LIN9: variants seen among roughly 807,000 people sequenced by gnomAD.
The protein encoded by LIN9 is protein lin-9 homolog.
A neutral mutation model predicts 78.0 loss-of-function variants in LIN9; 18 were observed. The observed-to-expected ratio is 0.23, with a 90% CI of 0.16 to 0.34. The LOEUF is 0.34. LIN9 is among the 10% of genes least tolerant of loss of function. LIN9 has a pLI of 1.00. For missense variants in LIN9, 451 were observed against 644.1 expected, an observed-to-expected ratio of 0.70 and a Z score of 3.25; for synonymous variants, 192 against 215.2, an observed-to-expected ratio of 0.89 and a Z score of 0.94.
intron 6 of LIN9, among the ~76,000 whole-genome samples, chr1:226,285,006 A>T (rs1661306213): frequency 6.6e-6 from 1 of 152,216 alleles, no homozygotes; most frequent in African/African-American, 2.4e-5. Flanking sequence ...GGACTTCCTC[A>T]AAGAAAGAAA....
rs1661476456 is a variant in LIN9, at chr1:226,287,921, T to A, written c.265-124A>T. 6.2e-6 allele frequency: 4 copies of A among 645,964 alleles called. No homozygotes were observed. The South Asian group carries it at 7.8e-5, about 13-fold the overall frequency. 40.0% of individuals were successfully genotyped at this position (645,964 alleles called of 1,614,324 possible). On this transcript the variant is annotated intron_variant, in intron 4 of 14. Transcript: ENST00000681046. ...TACTTAAAAAGGTTCACTGATTCAC[T>A]GATATTCAACATGGAATTTTGTTGC...
In LIN9 at chr1:226,265,588, G is replaced by C. The variant is rs762744178; in HGVS notation, c.983C>G (p.Ser328Cys). ...LGQSPWRSKI[S>C]GSDTETLGGF... Reference sequence around the variant, plus strand: ...ACCTAATGTTTCAGTGTCAGAGCCAGAAATTTTACTTCTCCACGGCGACTG... The same window carrying C: ...ACCTAATGTTTCAGTGTCAGAGCCACAAATTTTACTTCTCCACGGCGACTG... The change falls in exon 10 of 15, where the codon TCT (serine) becomes TGT (cysteine). Residue 328 changes from serine to cysteine, a missense_variant. Transcript: ENST00000681046. The surrounding 1 kb of genome is among the most constrained non-coding windows in gnomAD (Gnocchi z 4.1). 4 of 1,612,270 alleles carry C rather than the reference G, an allele frequency of 2.5e-6. No homozygotes were observed. The highest frequency in any genetic ancestry group is 3.4e-6 in the Non-Finnish European group (4 of 1,178,484).
At chr1:226,267,787 T>G (rs1660025334) in intron 8 of LIN9, among the ~76,000 whole-genome samples, 170 bp downstream of exon 8, 1 of 152,134 alleles carries the variant, frequency 6.6e-6, no homozygotes, top group Non-Finnish European at 1.5e-5. Context: ...ATGGAAGACT[T>G]AAGTATAGAT....
intron 6 of LIN9, among the ~76,000 whole-genome samples, chr1:226,278,417 G>A (rs1328405503): frequency 1.3e-5 from 2 of 150,970 alleles, no homozygotes; most frequent in African/African-American, 2.4e-5. Context: ...CGACAAGAGT[G>A]AGACTCCATC....
chr1:226,271,390 CTAAAA>C (rs1660264978), intron 7 of LIN9, among the ~76,000 whole-genome samples: 1 of 152,088 alleles, frequency 6.6e-6, no homozygotes, highest in Non-Finnish European at 1.5e-5. Context: ...TCTTTGTTTA[CTAAAA>C]TATTTTCTAA....
intron 11 of LIN9, 60 bp downstream of exon 11, chr1:226,250,779 A>T: frequency 2.4e-6 from 2 of 824,378 alleles, no homozygotes. Context: ...TTAGATATAG[A>T]TGGTCTCACT....
At chr1:226,239,765 ATAT>A (rs1657983085) in intron 11 of LIN9, among the ~76,000 whole-genome samples, 1 of 152,202 alleles carries the variant, frequency 6.6e-6, no homozygotes, top group African/African-American at 2.4e-5. Context: ...TCATCATTCC[ATAT>A]ATGCTCCTTA....
In LIN9 at chr1:226,289,843, G is replaced by T. The variant is rs866777020; in HGVS notation, c.265-2046C>A. 3.7e-4 allele frequency among the ~76,000 whole-genome samples: 23 copies of T among 61,496 alleles called. 1 individual carries two copies. The East Asian group carries it at 4.2e-3, about 11-fold the overall frequency. The allele number at this position is 61,496 out of a possible 152,430, so 40.3% of individuals were successfully genotyped here. A position where few individuals can be genotyped will look rare whatever the true frequency, so the allele number is the denominator to read the frequency against. On this transcript the variant is annotated intron_variant, in intron 4 of 14. Coordinates refer to ENST00000681046, the MANE Select transcript of LIN9 (RefSeq NM_001366245.2). Reference sequence around the variant, plus strand: ...CAACTAAGTAGTCCTCCGGGGGGGGGGGTGGGGGGGGGTGGGAAAGCTAGG... The same window carrying T: ...CAACTAAGTAGTCCTCCGGGGGGGGTGGTGGGGGGGGGTGGGAAAGCTAGG...
intron 7 of LIN9, among the ~76,000 whole-genome samples, chr1:226,271,307 T>C (rs1660256542): frequency 6.6e-6 from 1 of 152,244 alleles, no homozygotes; most frequent in Admixed American, 6.5e-5. Context: ...GATTCTTTGT[T>C]CCTACAGCAA....
chr1:226,265,707 T>C lies in LIN9; in HGVS notation c.937-73A>G. ...GTATCTTATTTTTTTATTTTTATTT[T>C]TTTTTAGACGGAGTCTCGCTCTGTT... is the stretch of plus-strand genomic sequence containing the variant. On this transcript the variant is annotated intron_variant, in intron 9 of 14. Transcript: ENST00000681046. This position sits in a 1 kb window ranked among gnomAD's most constrained non-coding sequence, Gnocchi z 4.1. 1 of 833,494 alleles carries C rather than the reference T, an allele frequency of 1.2e-6. No individual in the cohort carries two copies. The highest frequency in any genetic ancestry group is 1.9e-6 in the Non-Finnish European group (1 of 532,652). 51.6% of individuals were successfully genotyped at this position (833,494 alleles called of 1,614,324 possible). A position where few individuals can be genotyped will look rare whatever the true frequency, so the allele number is the denominator to read the frequency against.
At chr1:226,283,107 C>A (rs1052087357) in intron 6 of LIN9, among the ~76,000 whole-genome samples, 3 of 151,862 alleles carry the variant, frequency 2.0e-5, no homozygotes, top group African/African-American at 7.3e-5. Flanking sequence ...AGTCATGTGT[C>A]ACCCAACTGG....
chr1:226,232,409 G>A lies in LIN9; in HGVS notation c.*92C>T. 1.3e-6 allele frequency: 1 copy of A among 743,344 alleles called. No individual in the cohort carries two copies. Among genetic ancestry groups the A allele is most frequent in the South Asian group, 2.1e-5 (1 of 46,548 alleles). The allele number at this position is 743,344 out of a possible 1,614,324, so 46.0% of individuals were successfully genotyped here. On this transcript the variant is annotated 3_prime_UTR_variant, in exon 15 of 15. Transcript: ENST00000681046. ...AGATTTAAATTTCCCTTGTTTTCCA[G>A]CAGTTAGGTTATTTGGTGTTGGAAG...
At chr1:226,274,526 A>C (rs1425828504) in intron 7 of LIN9, among the ~76,000 whole-genome samples, 6 of 152,142 alleles carry the variant, frequency 3.9e-5, no homozygotes. Flanking sequence ...GAAAAATTTC[A>C]GCTTTTGTTT....
intron 7 of LIN9, among the ~76,000 whole-genome samples, chr1:226,276,909 T>A (rs181888232): frequency 6.6e-6 from 1 of 152,276 alleles, no homozygotes; most frequent in African/African-American, 2.4e-5. Flanking sequence ...GTGAATAATT[T>A]AGTTTTATTC....
intron 8 of LIN9, 120 bp from the exon 9 acceptor site, chr1:226,266,452 T>A: frequency 1.6e-6 from 1 of 643,132 alleles, no homozygotes; most frequent in Non-Finnish European, 2.3e-6. Context: ...ATATAGAATT[T>A]ATTACTTATA....
At chr1:226,235,218 A>T (rs1457462211) in intron 12 of LIN9, among the ~76,000 whole-genome samples, 8 of 148,122 alleles carry the variant, frequency 5.4e-5, no homozygotes, top group Non-Finnish European at 8.9e-5. Context: ...GCTACTGGGG[A>T]GGCTGAGGCA....
chr1:226,298,199 T>C (rs1202610281), intron 2 of LIN9, among the ~76,000 whole-genome samples: 1 of 152,232 alleles, frequency 6.6e-6, no homozygotes, highest in African/African-American at 2.4e-5. Context: ...TTAGAGCACA[T>C]TTCTTTTTTA....
intron 1 of LIN9, among the ~76,000 whole-genome samples, chr1:226,303,723 C>T (rs1449801220): frequency 6.6e-6 from 1 of 152,226 alleles, no homozygotes; most frequent in Non-Finnish European, 1.5e-5. Flanking sequence ...CTCCCCACCT[C>T]AGCCTTCCAG....
chr1:226,291,318 T>G (rs1661777626), intron 4 of LIN9, among the ~76,000 whole-genome samples: 1 of 151,996 alleles, frequency 6.6e-6, no homozygotes, highest in Admixed American at 6.6e-5. Flanking sequence ...AATGAAACAC[T>G]GAATCCGATT....
Sources: allele counts gnomAD v4.1 joint callset (sites outside exome capture counted in the v4.1 genomes callset), GRCh38; gene constraint gnomAD v4.1.1; non-coding constraint Gnocchi (gnomAD v3.1); transcripts MANE v1.5; gene names NCBI Gene and HGNC (gene_info 2026-07-23, HGNC 2026-07-21).